The following CHRNB4 variants were observed in gnomAD, a reference collection of about 807,000 sequenced individuals.
CHRNB4 encodes cholinergic receptor nicotinic beta 4 subunit.
In CHRNB4, 23 loss-of-function variants were observed where a neutral mutation model predicts 40.4. The observed-to-expected ratio is 0.57, with a 90% CI of 0.41 to 0.81. The LOEUF is 0.81. CHRNB4 is among the 30% of genes least tolerant of loss of function. CHRNB4 has a pLI of 0.00. For synonymous variants in CHRNB4, 285 were observed against 274.4 expected, an observed-to-expected ratio of 1.04 and a Z score of -0.38; for missense variants, 568 against 670.6, an observed-to-expected ratio of 0.85 and a Z score of 1.69.
chr15:78,654,412 C>T (rs892933120), intron 5 of CHRNB4, among the ~76,000 whole-genome samples: 3 of 152,202 alleles, frequency 2.0e-5, no homozygotes, highest in African/African-American at 7.2e-5. Flanking sequence ...ATCTGCTGAG[C>T]ACTATGCTAA....
At chr15:78,630,030 G>A (rs946109743) in intron 4 of CHRNB4, 85 bp from the exon 5 acceptor site, 6 of 1,420,998 alleles carry the variant, frequency 4.2e-6, no homozygotes, top group Non-Finnish European at 5.6e-6. Flanking sequence ...AGAGCCCTTT[G>A]GGATTATTTC....
At chr15:78,649,102 T>A (rs530594723) in intron 7 of CHRNB4, among the ~76,000 whole-genome samples, 1 of 152,308 alleles carries the variant, frequency 6.6e-6, no homozygotes, top group East Asian at 1.9e-4. Context: ...GAAAGCCCTA[T>A]AACAGCAAGT....
rs71528527 is a variant in CHRNB4, at chr15:78,624,606, G to A, written c.*527C>T. ...AAAAATACAAAAATTAGCTGGGCACGGTGGCGGCTTTCTGTAATCCCAGCT... is the reference window on the plus strand; with the variant it reads ...AAAAATACAAAAATTAGCTGGGCACAGTGGCGGCTTTCTGTAATCCCAGCT... On this transcript the variant is annotated 3_prime_UTR_variant, in exon 6 of 6. Coordinates refer to ENST00000261751, the MANE Select transcript of CHRNB4 (RefSeq NM_000750.5). The A allele has an allele frequency of 8.1e-4, 158 of 195,912 alleles. 1 individual carries two copies. Among genetic ancestry groups the A allele is most frequent in the Middle Eastern group, 2.0e-3 (1 of 506 alleles). The allele number at this position is 195,912 out of a possible 1,614,324, so 12.1% of individuals were successfully genotyped here.
intron 5 of CHRNB4, chr15:78,626,122 G>C (rs1164782022): frequency 6.6e-6 from 1 of 152,280 alleles, no homozygotes; most frequent in Non-Finnish European, 1.5e-5. Context: ...TGGAAATGTG[G>C]GCAGCAACGG....
chr15:78,661,620 C>T, upstream of CHRNB4: 1 of 486,258 alleles, frequency 2.1e-6, no homozygotes, highest in Non-Finnish European at 4.1e-6. Flanking sequence ...ATGGCGCCTC[C>T]TGCTCGGCCA....
upstream of CHRNB4, chr15:78,641,284 G>A (rs1233529086): frequency 1.2e-5 from 8 of 640,044 alleles, no homozygotes; most frequent in African/African-American, 2.0e-5. Flanking sequence ...GCCCCGCCGA[G>A]CCCCGCCCAC....
rs1401847829 is a variant in CHRNB4 at position 78,660,114 on chromosome 15, G to C, written c.-851+398C>G. 4.0e-5 allele frequency among the ~76,000 whole-genome samples: 6 copies of C among 150,772 alleles called. 1 individual carries two copies. The South Asian group carries it at 1.3e-3, about 31-fold the overall frequency. On this transcript the variant is annotated intron_variant and NMD_transcript_variant, in intron 1 of 11. Coordinates refer to the CHRNB4 transcript ENST00000559849. ...CCCAGCTACTCAGGAGGCTAAGGCA[G>C]AAAAATTGCTTGAACCTGGAAGGCA...
Position 78,631,336 on chromosome 15 carries a change from G to A in CHRNB4, c.205-4C>T. 1 of 1,613,554 alleles carries A rather than the reference G, an allele frequency of 6.2e-7. No homozygotes were observed. Among genetic ancestry groups the A allele is most frequent in the Non-Finnish European group, 8.5e-7 (1 of 1,179,930 alleles). Reference sequence around the variant, plus strand: ...TCATGATCTGCTCTCGCTCATTCTGGGGAGGGAAACGGGGCTATCAGTTCA... The same window carrying A: ...TCATGATCTGCTCTCGCTCATTCTGAGGAGGGAAACGGGGCTATCAGTTCA... On this transcript the variant is annotated splice_polypyrimidine_tract_variant and splice_region_variant and intron_variant, in intron 2 of 5. Transcript: ENST00000261751.
At chr15:78,646,621 GTA>G (rs2054125362) in intron 7 of CHRNB4, among the ~76,000 whole-genome samples, 1 of 152,170 alleles carries the variant, frequency 6.6e-6, no homozygotes, top group African/African-American at 2.4e-5. Context: ...CCATCTTTTT[GTA>G]TCCTCACATG....
chr15:78,637,664 G>A (rs1005735705), intron 1 of CHRNB4, among the ~76,000 whole-genome samples: 6 of 152,220 alleles, frequency 3.9e-5, no homozygotes, highest in Non-Finnish European at 8.8e-5. Flanking sequence ...GGCCTGAGGT[G>A]GACTTAGGGG....
upstream of CHRNB4, chr15:78,661,614 C>T (rs2054254189): frequency 4.0e-6 from 2 of 494,602 alleles, no homozygotes; most frequent in East Asian, 5.3e-5. Flanking sequence ...CCCATGATGG[C>T]GCCTCCTGCT....
At chr15:78,631,206 C>T (rs1211222796) in intron 3 of CHRNB4, 21 bp from the exon 4 acceptor site, 1 of 1,613,716 alleles carries the variant, frequency 6.2e-7, no homozygotes, top group Non-Finnish European at 8.5e-7. Flanking sequence ...AGGCAAGGCC[C>T]TGTCACTTGC....
chr15:78,648,042 AT>A (rs2141406355), intron 7 of CHRNB4, among the ~76,000 whole-genome samples: 1 of 152,132 alleles, frequency 6.6e-6, no homozygotes, highest in South Asian at 2.1e-4. Flanking sequence ...CCTTTAAGAA[AT>A]GATTAAGTCA....
chr15:78,634,590 A>G, intron 2 of CHRNB4: 2 of 409,650 alleles, frequency 4.9e-6, no homozygotes, highest in Non-Finnish European at 9.8e-6. Context: ...ACCGTGCTAG[A>G]GAGAGAGTCT....
At chr15:78,635,628 C>T in intron 1 of CHRNB4, 41 bp from the exon 2 acceptor site, 1 of 1,610,086 alleles carries the variant, frequency 6.2e-7, no homozygotes. Context: ...CCCTTGTGCA[C>T]CTGACCCCCA....
intron 1 of CHRNB4, among the ~76,000 whole-genome samples, chr15:78,638,916 T>A (rs911293977): frequency 6.6e-6 from 1 of 152,156 alleles, no homozygotes; most frequent in Non-Finnish European, 1.5e-5. Flanking sequence ...AAGCCGCCAC[T>A]AGGGGTCAGT....
chr15:78,661,391 C>G, upstream of CHRNB4: 1 of 526,724 alleles, frequency 1.9e-6, no homozygotes, highest in Non-Finnish European at 3.7e-6. Context: ...GTTTTCCCGG[C>G]CAGGAAGCTT....
rs773176567 is a variant in CHRNB4, at chr15:78,625,062, C to T, written c.*71G>A. On this transcript the variant is annotated 3_prime_UTR_variant, in exon 6 of 6. Coordinates refer to ENST00000261751, the MANE Select transcript of CHRNB4 (RefSeq NM_000750.5). ...TATTTACTTAGGGCCTCATCAGCCA[C>T]AACCCAGAAAGAAGCAGCAAAGTGC... 2.5e-6 allele frequency: 4 copies of T among 1,610,474 alleles called. No individual in the cohort carries two copies. The highest frequency in any genetic ancestry group is 4.5e-5 in the East Asian group (2 of 44,898).
intron 1 of CHRNB4, 102 bp from the exon 2 acceptor site, chr15:78,635,689 G>A: frequency 6.6e-7 from 1 of 1,516,580 alleles, no homozygotes; most frequent in African/African-American, 1.4e-5. Context: ...GGTGCCCTTA[G>A]GGCTGGCTGA....
Sources: allele counts gnomAD v4.1 joint callset (sites outside exome capture counted in the v4.1 genomes callset), GRCh38; gene constraint gnomAD v4.1.1; transcripts MANE v1.5; gene names NCBI Gene and HGNC (gene_info 2026-07-23, HGNC 2026-07-21).